Variants in JAKMIP2 observed in about 807,000 individuals in gnomAD.
JAKMIP2 encodes the protein janus kinase and microtubule-interacting protein 2.
Under a neutral mutation model 115.0 loss-of-function variants are expected in JAKMIP2, and 25 were observed. The ratio of observed to expected loss-of-function variants is 0.22; its 90% confidence interval spans 0.16 to 0.30. The LOEUF is 0.30. Ranked by LOEUF, JAKMIP2 falls within the 10% of genes least tolerant of loss-of-function variation. The pLI is 1.00. For missense variants in JAKMIP2, 642 were observed against 957.6 expected (o/e 0.67, Z 4.35); for synonymous variants, 334 against 343.6 (o/e 0.97, Z 0.31).
intron 1 of JAKMIP2, among the ~76,000 whole-genome samples, chr5:147,691,457 C>T (rs1194727458): frequency 6.6e-6 from 1 of 152,100 alleles, no homozygotes; most frequent in African/African-American, 2.4e-5. Context: ...AGCATTCTTT[C>T]TCCTTATTGT....
At chr5:147,727,324 G>A (rs1447528367) in intron 1 of JAKMIP2, among the ~76,000 whole-genome samples, 1 of 152,208 alleles carries the variant, frequency 6.6e-6, no homozygotes, top group Non-Finnish European at 1.5e-5. Flanking sequence ...CCCAGCTAAA[G>A]TAGGGTGTAT....
intron 1 of JAKMIP2, among the ~76,000 whole-genome samples, chr5:147,682,590 G>T (rs1241548676): frequency 2.0e-5 from 3 of 152,272 alleles, no homozygotes; most frequent in Non-Finnish European, 4.4e-5. Flanking sequence ...TGTGCTCATT[G>T]TACCTGTCAA....
chr5:147,623,985 C>A (rs1286128294), intron 16 of JAKMIP2, among the ~76,000 whole-genome samples: 1 of 152,118 alleles, frequency 6.6e-6, no homozygotes, highest in African/African-American at 2.4e-5. Context: ...CAGGCGCCTG[C>A]CACCACGCCT....
At chr5:147,755,261 G>GT (rs141057006) in intron 1 of JAKMIP2, among the ~76,000 whole-genome samples, 4,875 of 152,236 alleles carry the variant, frequency 0.032, 139 homozygotes, top group Non-Finnish European at 0.046. Context: ...AGATTAGGAT[G>GT]TCCCCCCTTT....
intron 1 of JAKMIP2, among the ~76,000 whole-genome samples, chr5:147,683,358 G>A (rs999410922): frequency 6.6e-6 from 1 of 152,128 alleles, no homozygotes; most frequent in Non-Finnish European, 1.5e-5. Context: ...GGGGCGTGGT[G>A]GCACCTGCCT....
chr5:147,613,707 C>T (rs1453846191), intron 19 of JAKMIP2, among the ~76,000 whole-genome samples: 2 of 152,060 alleles, frequency 1.3e-5, no homozygotes, highest in African/African-American at 4.8e-5. Flanking sequence ...CGATAAGGCA[C>T]AGAACAGCCA....
chr5:147,673,820 C>T (rs1160072996), intron 1 of JAKMIP2, among the ~76,000 whole-genome samples: 5 of 150,248 alleles, frequency 3.3e-5, no homozygotes, highest in Admixed American at 2.7e-4. Flanking sequence ...AGTAAATTCA[C>T]ATATATATAT....
At chr5:147,632,837 A>C (rs971541916) in intron 12 of JAKMIP2, 59 bp from the exon 13 acceptor site, 8 of 1,053,224 alleles carry the variant, frequency 7.6e-6, no homozygotes, top group Admixed American at 7.2e-5. Flanking sequence ...CAACTTTGCA[A>C]AGCATGAATA....
chr5:147,745,902 T>C (rs1313842749), intron 1 of JAKMIP2, among the ~76,000 whole-genome samples: 2 of 152,200 alleles, frequency 1.3e-5, no homozygotes, highest in Non-Finnish European at 2.9e-5. Context: ...TGAAGATAAG[T>C]GTATTTATAT....
At chr5:147,649,828 C>G (rs185350331) in intron 4 of JAKMIP2, among the ~76,000 whole-genome samples, 1 of 151,978 alleles carries the variant, frequency 6.6e-6, no homozygotes, top group African/African-American at 2.4e-5. Context: ...TGCGCACTTC[C>G]GAAAATAATT....
At position 147,641,751 on chromosome 5, in the gene JAKMIP2, A is replaced by G. The variant is rs1438195853; in HGVS notation, c.1238T>C (p.Leu413Pro). Residue 413 changes from leucine to proline, a missense_variant, in exon 8 of 22, where the codon CTC becomes CCC. By Grantham distance (98) the Leu-to-Pro change is moderately conservative. Coordinates refer to ENST00000616793, the MANE Select transcript of JAKMIP2 (RefSeq NM_001270941.2). ...IDELTRDREK[L>P]IRRRKHRRSS... ...TCTTCTATGCTTTCTTCTACGGATGAGCTTTTCTCGGTCCTGGAAAACAGA... is the reference window on the plus strand; with the variant it reads ...TCTTCTATGCTTTCTTCTACGGATGGGCTTTTCTCGGTCCTGGAAAACAGA... 6.2e-7 allele frequency: 1 copy of G among 1,613,116 alleles called. No homozygotes were observed. Among genetic ancestry groups the G allele is most frequent in the Non-Finnish European group, 8.5e-7 (1 of 1,179,290 alleles).
At chr5:147,753,533 C>A (rs1417311878) in intron 1 of JAKMIP2, among the ~76,000 whole-genome samples, 3 of 152,186 alleles carry the variant, frequency 2.0e-5, no homozygotes, top group Non-Finnish European at 4.4e-5. Flanking sequence ...TGTGCAAATG[C>A]AACCACACGA....
chr5:147,773,352 G>A (rs1333484910), intron 1 of JAKMIP2, among the ~76,000 whole-genome samples: 1 of 152,114 alleles, frequency 6.6e-6, no homozygotes, highest in East Asian at 1.9e-4. Flanking sequence ...CACGTGAACT[G>A]AGAACTGATC....
At chr5:147,691,421 G>C (rs532498462) in intron 1 of JAKMIP2, among the ~76,000 whole-genome samples, 2 of 151,986 alleles carry the variant, frequency 1.3e-5, no homozygotes, top group Non-Finnish European at 2.9e-5. Context: ...AAAGGCCAAG[G>C]ATTTTTCATC....
chr5:147,690,912 G>A (rs1751813091), intron 1 of JAKMIP2, among the ~76,000 whole-genome samples: 1 of 151,944 alleles, frequency 6.6e-6, no homozygotes, highest in Admixed American at 6.6e-5. Flanking sequence ...ATGGGTCCTG[G>A]GAGAAAATGG....
intron 1 of JAKMIP2, among the ~76,000 whole-genome samples, chr5:147,732,327 A>C (rs1753764491): frequency 6.6e-6 from 1 of 152,110 alleles, no homozygotes; most frequent in Non-Finnish European, 1.5e-5. Flanking sequence ...AACTATAAAA[A>C]TGTTTAGTGG....
intron 11 of JAKMIP2, 145 bp from the exon 12 acceptor site, chr5:147,636,429 G>A (rs1354877016): frequency 3.2e-6 from 2 of 625,822 alleles, no homozygotes; most frequent in Non-Finnish European, 5.6e-6. Flanking sequence ...ACCCCTGCCA[G>A]CTCCTTCAAA....
intron 6 of JAKMIP2, 87 bp from the exon 7 acceptor site, chr5:147,644,285 T>G: frequency 7.7e-7 from 1 of 1,301,554 alleles, no homozygotes; most frequent in Non-Finnish European, 1.0e-6. Flanking sequence ...AGAAAGTTTA[T>G]GAGGCTCCAG....
intron 1 of JAKMIP2, among the ~76,000 whole-genome samples, chr5:147,700,330 T>C (rs1451504886): frequency 6.6e-6 from 1 of 151,854 alleles, no homozygotes; most frequent in Non-Finnish European, 1.5e-5. Flanking sequence ...TAATTGAAAA[T>C]TAAATGGATG....
Sources: gnomAD v4.1 joint callset for allele counts (sites outside exome capture counted in the v4.1 genomes callset) on GRCh38, gnomAD v4.1.1 for gene constraint, MANE v1.5 for transcripts, NCBI Gene and HGNC (gene_info 2026-07-23, HGNC 2026-07-21) for gene names.